Variants in SLCO1B3 observed in about 807,000 individuals in gnomAD.
The protein encoded by SLCO1B3 is solute carrier organic anion transporter family member 1B3.
SLCO1B3 carries 72 observed loss-of-function variants against 71.8 expected under a neutral mutation model. The observed-to-expected ratio is 1.00, with a 90% CI of 0.83 to 1.22. The LOEUF (loss-of-function observed/expected upper bound fraction) is 1.22. Ranked by LOEUF, SLCO1B3 falls within the 50% of genes most tolerant of loss-of-function variation. SLCO1B3 has a pLI of 0.00. For missense variants in SLCO1B3, 911 were observed against 819.7 expected, an observed-to-expected ratio of 1.11 and a Z score of -1.36; for synonymous variants, 298 against 278.4, an observed-to-expected ratio of 1.07 and a Z score of -0.70.
intron 3 of SLCO1B3, among the ~76,000 whole-genome samples, chr12:20,822,033 G>A (rs988398475): frequency 1.1e-4 from 16 of 152,158 alleles, no homozygotes; most frequent in South Asian, 2.1e-4. Context: ...AAAAGAGGCC[G>A]CTTACCGGAT....
chr12:20,811,850 A>G (rs1252833939), intron 1 of SLCO1B3, among the ~76,000 whole-genome samples: 7 of 151,860 alleles, frequency 4.6e-5, no homozygotes, highest in African/African-American at 1.7e-4. Flanking sequence ...TGTGGTATTT[A>G]TTCAAGGCTA....
intron 5 of SLCO1B3, among the ~76,000 whole-genome samples, chr12:20,860,426 G>A (rs1865236665): frequency 6.6e-6 from 1 of 152,214 alleles, no homozygotes; most frequent in East Asian, 1.9e-4. Flanking sequence ...TTGAAGTTGA[G>A]CAAAATGCCT....
rs3060437 is a variant in SLCO1B3, at chr12:20,825,798, C to CAAAA, written c.84+9991_84+9994dup. Among the ~76,000 whole-genome samples the CAAAA allele has an allele frequency of 2.5e-3, 213 of 85,874 alleles. 1 individual carries two copies. The highest frequency in any genetic ancestry group is 3.6e-3 in the Non-Finnish European group (160 of 44,646). 56.3% of individuals were successfully genotyped at this position (85,874 alleles called of 152,430 possible). A position where few individuals can be genotyped will look rare whatever the true frequency, so the allele number is the denominator to read the frequency against. ...TGGGTGACAGAGCAAGACTCTGTCT[C>CAAAA]AAAAAAAAAAAAAAAAAAGAAAGAA... On this transcript the variant is annotated intron_variant, in intron 3 of 15. Coordinates refer to ENST00000381545, the MANE Select transcript of SLCO1B3 (RefSeq NM_019844.4).
chr12:20,894,918 C>G (rs1165413536), intron 13 of SLCO1B3, among the ~76,000 whole-genome samples: 2 of 152,146 alleles, frequency 1.3e-5, no homozygotes, highest in Non-Finnish European at 2.9e-5. Context: ...TTCCACGTGG[C>G]TGGGTAAGCC....
chr12:20,899,808 A>G (rs1288916592), intron 14 of SLCO1B3, among the ~76,000 whole-genome samples: 1 of 152,176 alleles, frequency 6.6e-6, no homozygotes, highest in Non-Finnish European at 1.5e-5. Flanking sequence ...AAAAAATTGA[A>G]TTTTGCCATT....
At chr12:20,814,981 C>CTTT (rs71039997) in intron 2 of SLCO1B3, among the ~76,000 whole-genome samples, 3,469 of 89,092 alleles carry the variant, frequency 0.039, 50 homozygotes, top group Non-Finnish European at 0.061. Flanking sequence ...CTTTTCTTTT[C>CTTT]TTTTTTTTTT....
At chr12:20,885,403 C>T (rs1389952628) in intron 13 of SLCO1B3, among the ~76,000 whole-genome samples, 1 of 152,010 alleles carries the variant, frequency 6.6e-6, no homozygotes, top group Non-Finnish European at 1.5e-5. Flanking sequence ...AATGATAAAA[C>T]TTCATTAGCA....
intron 11 of SLCO1B3, among the ~76,000 whole-genome samples, chr12:20,880,547 T>C (rs936876525): frequency 6.6e-6 from 1 of 152,096 alleles, no homozygotes; most frequent in Admixed American, 6.5e-5. Flanking sequence ...TAAAGACCTC[T>C]TGTCTAAGTC....
intron 15 of SLCO1B3, among the ~76,000 whole-genome samples, chr12:20,903,064 A>G (rs1866160720): frequency 9.2e-6 from 1 of 109,156 alleles, no homozygotes; most frequent in African/African-American, 2.9e-5. Context: ...ACAGAGCAGG[A>G]TTCCATCTCA....
chr12:20,858,355 T>A, intron 4 of SLCO1B3, 84 bp from the exon 5 acceptor site: 1 of 919,620 alleles, frequency 1.1e-6, no homozygotes, highest in Non-Finnish European at 1.7e-6. Context: ...GTCTTGGGCA[T>A]ATTTGCATTC....
chr12:20,815,734 T>C lies in SLCO1B3; in HGVS notation c.-5T>C. ...AAATATTCACTTGGTATCTGTAGTT[T>C]AATAATGGACCAACATCAACATTTG... is the stretch of plus-strand genomic sequence containing the variant. On this transcript the variant is annotated 5_prime_UTR_variant, in exon 3 of 16. Coordinates refer to ENST00000381545, the MANE Select transcript of SLCO1B3 (RefSeq NM_019844.4). The C allele has an allele frequency of 1.2e-6, 1 of 858,938 alleles. No homozygotes were observed. The highest frequency in any genetic ancestry group is 1.7e-6 in the Non-Finnish European group (1 of 581,230). 53.2% of individuals were successfully genotyped at this position (858,938 alleles called of 1,614,324 possible). A position where few individuals can be genotyped will look rare whatever the true frequency, so the allele number is the denominator to read the frequency against.
rs760139446 is a variant in SLCO1B3, at chr12:20,858,602, TATC to T, written c.359+33_359+35del. 6.4e-6 allele frequency: 10 copies of T among 1,565,688 alleles called. No individual in the cohort carries two copies. The South Asian group carries it at 1.2e-4, about 18-fold the overall frequency. Reference sequence around the variant, plus strand: ...TGTTAAACAGCTCTGAGCCATTTATTATCAGCTACTTGTAAATTAGCAGTAGAA... The same window carrying T: ...TGTTAAACAGCTCTGAGCCATTTATTAGCTACTTGTAAATTAGCAGTAGAA... On this transcript the variant is annotated intron_variant, in intron 5 of 15. Coordinates refer to ENST00000381545, the MANE Select transcript of SLCO1B3 (RefSeq NM_019844.4).
At chr12:20,864,993 G>C (rs1038033012) in intron 8 of SLCO1B3, among the ~76,000 whole-genome samples, 2 of 151,980 alleles carry the variant, frequency 1.3e-5, no homozygotes, top group African/African-American at 4.8e-5. Context: ...CAGAATTTTG[G>C]CACCGGCATT....
chr12:20,844,435 A>T (rs1192714192), intron 3 of SLCO1B3, among the ~76,000 whole-genome samples: 1 of 151,634 alleles, frequency 6.6e-6, no homozygotes, highest in Non-Finnish European at 1.5e-5. Context: ...GCATGGTGGC[A>T]TATACCCCTG....
chr12:20,858,626 T>C (rs954000038), intron 5 of SLCO1B3, 55 bp downstream of exon 5: 19 of 1,506,874 alleles, frequency 1.3e-5, no homozygotes, highest in East Asian at 2.3e-5. Flanking sequence ...AAATTAGCAG[T>C]AGAATTTTAT....
chr12:20,890,804 GT>G (rs1421146522), intron 13 of SLCO1B3, among the ~76,000 whole-genome samples: 3 of 152,008 alleles, frequency 2.0e-5, no homozygotes, highest in Non-Finnish European at 4.4e-5. Context: ...TTTGAAATTT[GT>G]TTTATCTAAT....
intron 3 of SLCO1B3, among the ~76,000 whole-genome samples, chr12:20,829,252 G>C (rs1864490041): frequency 6.6e-6 from 1 of 152,204 alleles, no homozygotes; most frequent in Non-Finnish European, 1.5e-5. Flanking sequence ...TTAACTTTTA[G>C]TAATTAAGGA....
intron 3 of SLCO1B3, among the ~76,000 whole-genome samples, chr12:20,831,176 A>G (rs532601245): frequency 1.2e-4 from 19 of 152,072 alleles, no homozygotes; most frequent in African/African-American, 4.6e-4. Context: ...GGCCAGTATG[A>G]TGAAACCCTG....
At chr12:20,904,004 C>T (rs1866182317) in intron 15 of SLCO1B3, among the ~76,000 whole-genome samples, 1 of 152,028 alleles carries the variant, frequency 6.6e-6, no homozygotes, top group African/African-American at 2.4e-5. Context: ...CTTTGGGAGG[C>T]CAAGGTGGGT....
Sources: gnomAD v4.1 joint callset for allele counts (sites outside exome capture counted in the v4.1 genomes callset) on GRCh38, gnomAD v4.1.1 for gene constraint, MANE v1.5 for transcripts, NCBI Gene and HGNC (gene_info 2026-07-23, HGNC 2026-07-21) for gene names.